MAGI1: variants seen among roughly 807,000 people sequenced by gnomAD.
The protein encoded by MAGI1 is membrane associated guanylate kinase, WW and PDZ domain containing 1.
Under a neutral mutation model 139.9 loss-of-function variants are expected in MAGI1, and 58 were observed. The observed-to-expected ratio is 0.41, with a 90% confidence interval of 0.34 to 0.52. MAGI1 has a LOEUF of 0.52. Among genes scored for constraint, MAGI1 ranks in the 20% least tolerant of loss-of-function variants. The pLI is 0.12. For missense variants in MAGI1, 1,874 were observed against 1,901.6 expected (o/e 0.99, Z 0.27); for synonymous variants, 812 against 737.9 (o/e 1.10, Z -1.63).
At chr3:65,745,282 G>A (rs1214986145) in intron 1 of MAGI1, among the ~76,000 whole-genome samples, 1 of 152,084 alleles carries the variant, frequency 6.6e-6, no homozygotes. Context: ...GACAGGCAAA[G>A]GGGCACAGGG....
At chr3:65,716,119 T>A (rs1478481417) in intron 1 of MAGI1, among the ~76,000 whole-genome samples, 3 of 152,216 alleles carry the variant, frequency 2.0e-5, no homozygotes, top group Non-Finnish European at 2.9e-5. Flanking sequence ...TTTAAAGGCA[T>A]CCTCTTGTCC....
chr3:65,435,032 G>A (rs1947734387), intron 10 of MAGI1, among the ~76,000 whole-genome samples: 1 of 152,212 alleles, frequency 6.6e-6, no homozygotes, highest in Non-Finnish European at 1.5e-5. Flanking sequence ...GATACAGTGA[G>A]AAAATGGCCG....
At chr3:65,737,097 T>C (rs1005334471) in intron 1 of MAGI1, among the ~76,000 whole-genome samples, 14 of 152,144 alleles carry the variant, frequency 9.2e-5, no homozygotes, top group East Asian at 3.9e-4. Flanking sequence ...CTCCACCTCC[T>C]GGGTTCACAC....
At chr3:66,033,024 G>A (rs984445744) in intron 1 of MAGI1, among the ~76,000 whole-genome samples, 1 of 151,672 alleles carries the variant, frequency 6.6e-6, no homozygotes, top group African/African-American at 2.4e-5. Flanking sequence ...TACTCAGGGA[G>A]CTATCTTTTG....
chr3:65,690,440 T>G (rs2088482033), intron 1 of MAGI1, among the ~76,000 whole-genome samples: 1 of 152,146 alleles, frequency 6.6e-6, no homozygotes, highest in African/African-American at 2.4e-5. Context: ...TGCTGAATTT[T>G]TTTAGTCAAA....
In MAGI1 at chr3:65,379,459, C is replaced by T. The variant is rs750455235; in HGVS notation, c.2797G>A (p.Gly933Ser). 1.9e-6 allele frequency: 3 copies of T among 1,613,884 alleles called. No individual in the cohort carries two copies. The African/African-American group carries it at 4.0e-5, about 22-fold the overall frequency. ...ACCGTGTTCAGCGAGTTCTGGCTGCCCTGCGGAGTGCGCTTCTCTTCTGTC... is the reference window on the plus strand; with the variant it reads ...ACCGTGTTCAGCGAGTTCTGGCTGCTCTGCGGAGTGCGCTTCTCTTCTGTC... ...SLTEEKRTPQ[G>S]SQNSLNTVSS... Residue 933 changes from glycine to serine, a missense_variant, in exon 17 of 23, where the codon GGC (glycine) becomes AGC (serine). Transcript: ENST00000402939.
chr3:65,910,687 C>T (rs1315741076), intron 1 of MAGI1, among the ~76,000 whole-genome samples: 2 of 151,976 alleles, frequency 1.3e-5, no homozygotes, highest in Admixed American at 6.6e-5. Flanking sequence ...CAACCTCCAT[C>T]AAAACTCTAC....
At chr3:65,466,163 G>T (rs184366535) in intron 5 of MAGI1, among the ~76,000 whole-genome samples, 1 of 152,256 alleles carries the variant, frequency 6.6e-6, no homozygotes, top group African/African-American at 2.4e-5. Flanking sequence ...TGGTATAACT[G>T]CTTGCTGAAG....
chr3:65,802,335 T>G (rs978851384), intron 1 of MAGI1, among the ~76,000 whole-genome samples: 3 of 152,154 alleles, frequency 2.0e-5, no homozygotes, highest in African/African-American at 7.2e-5. Flanking sequence ...AAATTCTATT[T>G]GATGGGAGGG....
chr3:65,784,611 A>G (rs1011995058), intron 1 of MAGI1, among the ~76,000 whole-genome samples: 7 of 152,196 alleles, frequency 4.6e-5, no homozygotes, highest in Non-Finnish European at 1.0e-4. Flanking sequence ...AGGCTGAGGC[A>G]GGAGAATGGC....
intron 1 of MAGI1, among the ~76,000 whole-genome samples, chr3:65,638,986 C>T (rs2084817465): frequency 6.6e-6 from 1 of 151,970 alleles, no homozygotes; most frequent in South Asian, 2.1e-4. Flanking sequence ...TGAGCTCAAG[C>T]GATTCTCCCG....
chr3:65,439,395 C>T (rs1045491124), intron 9 of MAGI1, among the ~76,000 whole-genome samples: 1 of 152,166 alleles, frequency 6.6e-6, no homozygotes, highest in Non-Finnish European at 1.5e-5. Flanking sequence ...ATGTTCTATA[C>T]TCCCGAATTG....
intron 2 of MAGI1, among the ~76,000 whole-genome samples, chr3:65,512,406 T>C (rs1225737876): frequency 6.8e-6 from 1 of 146,144 alleles, no homozygotes. Flanking sequence ...GATAGACCAC[T>C]AGCAAGACTA....
At chr3:65,478,211 T>G (rs1466868641) in intron 4 of MAGI1, among the ~76,000 whole-genome samples, 3 of 151,956 alleles carry the variant, frequency 2.0e-5, no homozygotes, top group African/African-American at 7.3e-5. Context: ...ATATTTTGCT[T>G]CATAGCAACC....
At chr3:65,571,565 T>C (rs1187724285) in intron 2 of MAGI1, among the ~76,000 whole-genome samples, 6 of 152,014 alleles carry the variant, frequency 3.9e-5, no homozygotes, top group Non-Finnish European at 8.8e-5. Flanking sequence ...CATAGGTTTA[T>C]TCAGAAAAAG....
chr3:65,836,006 C>T (rs1015239588), intron 1 of MAGI1, among the ~76,000 whole-genome samples: 13 of 152,228 alleles, frequency 8.5e-5, no homozygotes, highest in African/African-American at 2.6e-4. Flanking sequence ...CTGGGGGTTA[C>T]CTGCTCAACT....
intron 1 of MAGI1, among the ~76,000 whole-genome samples, chr3:65,788,879 T>A (rs1316881064): frequency 1.3e-5 from 2 of 151,924 alleles, no homozygotes; most frequent in African/African-American, 2.4e-5. Flanking sequence ...AAACAAAAAA[T>A]TAAAAATAAA....
intron 5 of MAGI1, among the ~76,000 whole-genome samples, chr3:65,463,880 TC>T (rs1949992749): frequency 6.7e-6 from 1 of 150,246 alleles, no homozygotes; most frequent in Non-Finnish European, 1.5e-5. Flanking sequence ...CAGGAATTTA[TC>T]CATTTCTTCT....
intron 1 of MAGI1, among the ~76,000 whole-genome samples, chr3:65,932,563 C>T (rs1352739863): frequency 6.6e-6 from 1 of 152,264 alleles, no homozygotes; most frequent in East Asian, 1.9e-4. Context: ...CCACCCACCC[C>T]AGCAATGGCT....
Sources: allele counts gnomAD v4.1 joint callset (sites outside exome capture counted in the v4.1 genomes callset), GRCh38; gene constraint gnomAD v4.1.1; transcripts MANE v1.5; gene names NCBI Gene and HGNC (gene_info 2026-07-23, HGNC 2026-07-21).